SAFB: variants seen among roughly 807,000 people sequenced by gnomAD.
SAFB encodes the protein scaffold attachment factor B.
Under a neutral mutation model 101.6 loss-of-function variants are expected in SAFB, and 15 were observed. The observed-to-expected ratio is 0.15, with a 90% CI of 0.10 to 0.23. The LOEUF (loss-of-function observed/expected upper bound fraction) is 0.23. Among genes scored for constraint, SAFB ranks in the 10% least tolerant of loss-of-function variants. The pLI is 1.00. For missense variants in SAFB, 930 were observed against 1,104.1 expected (o/e 0.84, Z 2.23); for synonymous variants, 449 against 407.5 (o/e 1.10, Z -1.23).
intron 7 of SAFB, chr19:5,649,718 T>A: frequency 1.2e-6 from 1 of 829,972 alleles, no homozygotes; most frequent in Non-Finnish European, 1.9e-6. Context: ...AAATTCTTCC[T>A]AATTACCTTT....
At chr19:5,640,740 C>T (rs149005087) in intron 2 of SAFB, among the ~76,000 whole-genome samples, 293 of 151,966 alleles carry the variant, frequency 1.9e-3, no homozygotes, top group Non-Finnish European at 3.5e-3. Flanking sequence ...CTGGCAACCG[C>T]CACCACAACC....
At chr19:5,655,622 G>C (rs757339830) in intron 13 of SAFB, among the ~76,000 whole-genome samples, 2 of 152,108 alleles carry the variant, frequency 1.3e-5, no homozygotes, top group Non-Finnish European at 2.9e-5. Flanking sequence ...AGGAAGGAGA[G>C]GGACCTTGGA....
chr19:5,635,426 A>C (rs1263995618), intron 2 of SAFB, among the ~76,000 whole-genome samples: 1 of 152,248 alleles, frequency 6.6e-6, no homozygotes. Context: ...ATGTAGATGC[A>C]AGATGATGTC....
intron 14 of SAFB, among the ~76,000 whole-genome samples, chr19:5,661,051 G>A (rs2054189558): frequency 6.6e-6 from 1 of 150,554 alleles, no homozygotes; most frequent in African/African-American, 2.4e-5. Flanking sequence ...CGGAGTAGCT[G>A]GGACTACAGG....
chr19:5,665,897 G>C (rs2054317313), intron 17 of SAFB: 1 of 152,204 alleles, frequency 6.6e-6, no homozygotes, highest in Non-Finnish European at 1.5e-5. Context: ...TTACTTTGTT[G>C]AGGGGAGGCA....
intron 4 of SAFB, among the ~76,000 whole-genome samples, 183 bp from the exon 5 acceptor site, chr19:5,645,154 T>C (rs933446688): frequency 6.6e-6 from 1 of 152,272 alleles, no homozygotes; most frequent in African/African-American, 2.4e-5. Context: ...GGTGGACATT[T>C]ACATACAACT....
At chr19:5,639,815 G>A (rs1382858774) in intron 2 of SAFB, among the ~76,000 whole-genome samples, 1 of 152,082 alleles carries the variant, frequency 6.6e-6, no homozygotes, top group Non-Finnish European at 1.5e-5. Flanking sequence ...GATGGGGGAT[G>A]GAGCCGAAGT....
chr19:5,626,276 G>A (rs2053358565), intron 1 of SAFB, 129 bp from the exon 2 acceptor site: 1 of 644,240 alleles, frequency 1.6e-6, no homozygotes, highest in Non-Finnish European at 2.8e-6. Flanking sequence ...TGGGCCACAG[G>A]TCCTGGGTGG....
chr19:5,653,245 A>G lies in SAFB; in HGVS notation c.1424A>G (p.Lys475Arg). 1 of 1,614,188 alleles carries G rather than the reference A, an allele frequency of 6.2e-7. No homozygotes were observed. Residue 475 changes from lysine (K) to arginine (R), a missense_variant, in exon 10 of 21, where the codon AAG becomes AGG. Physicochemically the swap from Lys to Arg is conservative, Grantham distance 26 (BLOSUM62 2). Around this residue, in one of 7 missense-constraint regions of SAFB, gnomAD observed 92 missense variants for 83.8 expected, o/e 1.10. Transcript: ENST00000588852. Reference protein sequence around the residue: ...NHLHKTELHGKMISVEKAKNE... With the variant: ...NHLHKTELHGRMISVEKAKNE... ...CTGCACAAGACGGAGCTCCACGGAAAGATGATCTCCGTGGAGAAAGTGAGT... is the reference window on the plus strand; with the variant it reads ...CTGCACAAGACGGAGCTCCACGGAAGGATGATCTCCGTGGAGAAAGTGAGT...
chr19:5,626,378 T>A, intron 1 of SAFB, 27 bp from the exon 2 acceptor site: 3 of 1,392,792 alleles, frequency 2.2e-6, no homozygotes, highest in Non-Finnish European at 3.1e-6. Context: ...ACTTTTTGGA[T>A]CAACTTTACT....
rs1418289566 is a variant in SAFB, at chr19:5,661,746, G to A, written c.2091G>A (p.Gln697=). The A allele has an allele frequency of 1.3e-6, 2 of 1,587,090 alleles. No individual in the cohort carries two copies. The highest frequency in any genetic ancestry group is 1.8e-5 in the Admixed American group (1 of 55,206). Residue 697 remains glutamine, a synonymous_variant, in exon 15 of 21, where the codon CAG becomes CAA. Coordinates refer to ENST00000588852, the MANE Select transcript of SAFB (RefSeq NM_001201338.2). ...IHREREELRR[Q]QELRYEQERR... ...GTGAGCGCGAGGAGCTGAGGCGCCA[G>A]CAGGAACTGCGCTATGAGCAGGAGC...
At chr19:5,647,288 G>C (rs2053846318) in intron 5 of SAFB, among the ~76,000 whole-genome samples, 1 of 152,190 alleles carries the variant, frequency 6.6e-6, no homozygotes, top group African/African-American at 2.4e-5. Context: ...GGGAGGGCTG[G>C]GCCTGTCAGG....
In SAFB at chr19:5,653,405, C is replaced by T. The variant is rs191587894; in HGVS notation, c.1511C>T (p.Ser504Leu). Residue 504 changes from serine to leucine, a missense_variant, in exon 11 of 21, where the codon TCG becomes TTG. Physicochemically the swap from Ser to Leu is moderately radical, Grantham distance 145. Coordinates refer to ENST00000588852, the MANE Select transcript of SAFB (RefSeq NM_001201338.2). The stretch of plus-strand genomic sequence containing the variant: ...GACAGTGACGGGAAAAAGGAGAAGT[C>T]GAGCAACAGTGACAGGTACCCCTCC... ...KRDSDGKKEK[S>L]SNSDRSTNLK... is the part of the protein sequence containing the mutation. 5.0e-6 allele frequency: 8 copies of T among 1,613,982 alleles called. No homozygotes were observed. In the East Asian group the frequency reaches 8.9e-5, roughly 18 times the overall value.
intron 15 of SAFB, among the ~76,000 whole-genome samples, chr19:5,662,680 G>T (rs556504866): frequency 2.1e-5 from 3 of 143,738 alleles, no homozygotes; most frequent in South Asian, 2.2e-4. Context: ...TCGCTCTGTT[G>T]CCCAGGCTGG....
At chr19:5,641,518 T>TGTA in intron 2 of SAFB, 76 bp from the exon 3 acceptor site, 1 of 1,162,426 alleles carries the variant, frequency 8.6e-7, no homozygotes, top group Non-Finnish European at 1.3e-6. Flanking sequence ...TGACCACTTG[T>TGTA]GTAGTGCTCA....
intron 13 of SAFB, among the ~76,000 whole-genome samples, chr19:5,656,204 A>G (rs937973568): frequency 9.9e-5 from 15 of 152,212 alleles, no homozygotes; most frequent in African/African-American, 3.4e-4. Context: ...TATATACCTG[A>G]TTCTTCCTGT....
At chr19:5,626,587 G>C (rs2053367173) in intron 2 of SAFB, 98 bp downstream of exon 2, 1 of 727,088 alleles carries the variant, frequency 1.4e-6, no homozygotes, top group African/African-American at 1.8e-5. Context: ...TGTTGGACTT[G>C]TGAACCACTC....
At chr19:5,640,046 G>A (rs910437044) in intron 2 of SAFB, among the ~76,000 whole-genome samples, 2 of 152,014 alleles carry the variant, frequency 1.3e-5, no homozygotes, top group African/African-American at 2.4e-5. Flanking sequence ...TAGAGACAGG[G>A]TTTCTCCATG....
At chr19:5,666,154 A>G (rs1247452372) in intron 17 of SAFB, 4 of 152,236 alleles carry the variant, frequency 2.6e-5, no homozygotes, top group African/African-American at 9.6e-5. Flanking sequence ...CCACATATGT[A>G]TTGGTGGAAA....
Sources: gnomAD v4.1 joint callset for allele counts (sites outside exome capture counted in the v4.1 genomes callset) on GRCh38, gnomAD v4.1.1 for gene constraint, gnomAD v4.1.1 regional missense constraint, MANE v1.5 for transcripts, NCBI Gene and HGNC (gene_info 2026-07-23, HGNC 2026-07-21) for gene names.